The following CCDC33 variants were observed in gnomAD, a reference collection of about 807,000 sequenced individuals.
CCDC33 encodes the protein coiled-coil domain-containing protein 33.
CCDC33 carries 94 observed loss-of-function variants against 91.9 expected under a neutral mutation model. The observed-to-expected ratio is 1.02, with a 90% confidence interval of 0.87 to 1.21. CCDC33 has a LOEUF of 1.21. CCDC33 is among the 50% of genes most tolerant of loss of function. The pLI, the probability that CCDC33 is intolerant of heterozygous loss-of-function variation, is 0.00. For synonymous variants in CCDC33, 396 were observed against 374.5 expected (o/e 1.06, Z -0.66); for missense variants, 940 against 935.5 (o/e 1.00, Z -0.06).
At chr15:74,298,026 CAAG>C (rs1050441371) in intron 11 of CCDC33, among the ~76,000 whole-genome samples, 3 of 152,212 alleles carry the variant, frequency 2.0e-5, no homozygotes, top group Non-Finnish European at 4.4e-5. Context: ...ATAGCACAAC[CAAG>C]GAGGGGGAAG....
intron 15 of CCDC33, 100 bp downstream of exon 15, chr15:74,331,396 A>C (rs776156755): frequency 3.3e-6 from 4 of 1,200,760 alleles, no homozygotes; most frequent in Non-Finnish European, 4.8e-6. Flanking sequence ...ACCTGCGAAG[A>C]GGTCCCCTGC....
At chr15:74,267,484 G>GGCA (rs2076197698) in intron 4 of CCDC33, among the ~76,000 whole-genome samples, 2 of 151,400 alleles carry the variant, frequency 1.3e-5, no homozygotes, top group African/African-American at 4.9e-5. Context: ...ACCCCTGCCT[G>GGCA]TCCTCCCTCC....
chr15:74,333,811 A>G (rs1188054285), intron 16 of CCDC33, 70 bp from the exon 17 acceptor site: 2 of 1,306,702 alleles, frequency 1.5e-6, no homozygotes, highest in East Asian at 2.3e-5. Flanking sequence ...TCAATACCTT[A>G]TGGTTTCCCA....
intron 2 of CCDC33, among the ~76,000 whole-genome samples, chr15:74,250,066 C>T (rs960758644): frequency 5.9e-5 from 9 of 152,210 alleles, no homozygotes; most frequent in Non-Finnish European, 1.2e-4. Context: ...TGTCAGGAAT[C>T]ACATTCTTCC....
chr15:74,323,935 C>CA (rs1038594875), intron 11 of CCDC33, among the ~76,000 whole-genome samples: 14 of 150,604 alleles, frequency 9.3e-5, no homozygotes, highest in Non-Finnish European at 1.5e-4. Flanking sequence ...ACTAAAAATA[C>CA]AAAAAAAATT....
At chr15:74,281,649 C>A in intron 9 of CCDC33, 129 bp from the exon 10 acceptor site, 1 of 803,250 alleles carries the variant, frequency 1.2e-6, no homozygotes, top group Non-Finnish European at 2.1e-6. Flanking sequence ...GGCCAGCTCC[C>A]ACCTCCCTCC....
At chr15:74,329,931 C>G (rs2060390917) in intron 11 of CCDC33, among the ~76,000 whole-genome samples, 1 of 152,188 alleles carries the variant, frequency 6.6e-6, no homozygotes, top group Non-Finnish European at 1.5e-5. Context: ...CTGGGGTTTC[C>G]CCCTGAGTTG....
intron 2 of CCDC33, among the ~76,000 whole-genome samples, chr15:74,227,389 T>TG (rs1158330357): frequency 1.3e-5 from 2 of 152,264 alleles, no homozygotes; most frequent in Non-Finnish European, 2.9e-5. Context: ...CTGGGCTTTC[T>TG]GGGCACGTGA....
chr15:74,277,249 G>A lies in CCDC33; in HGVS notation c.760-2714G>A, dbSNP rs1054478926. On this transcript the variant is annotated intron_variant, in intron 7 of 18. Coordinates refer to ENST00000398814, the MANE Select transcript of CCDC33 (RefSeq NM_025055.5). ...AGGGACTTGAAGGCCACACAGCAAG[G>A]TTGAGGCAGACCCAGACCCAGAGCC... Among the ~76,000 whole-genome samples, 14 of 152,334 alleles carry A rather than the reference G, an allele frequency of 9.2e-5. No homozygotes were observed. In the East Asian group the frequency reaches 2.7e-3, roughly 29 times the overall value.
chr15:74,264,522 A>G (rs2076116300), intron 3 of CCDC33, among the ~76,000 whole-genome samples: 1 of 152,012 alleles, frequency 6.6e-6, no homozygotes, highest in Non-Finnish European at 1.5e-5. Context: ...AATGTACGGC[A>G]CTCACCTCTC....
At chr15:74,230,969 G>A (rs896546879) in intron 2 of CCDC33, among the ~76,000 whole-genome samples, 3 of 152,136 alleles carry the variant, frequency 2.0e-5, no homozygotes, top group Admixed American at 2.0e-4. Flanking sequence ...TGCCTATTTG[G>A]TGGTGACCAG....
At chr15:74,257,737 C>T (rs2075911780) in intron 2 of CCDC33, among the ~76,000 whole-genome samples, 1 of 152,258 alleles carries the variant, frequency 6.6e-6, no homozygotes. Context: ...CTGCCTTCTC[C>T]AGGTTTAGGG....
chr15:74,246,679 G>A (rs879377067), intron 2 of CCDC33, among the ~76,000 whole-genome samples: 10 of 152,202 alleles, frequency 6.6e-5, no homozygotes, highest in Non-Finnish European at 1.2e-4. Flanking sequence ...GTGTTGGTGC[G>A]GGTGTGGAGA....
chr15:74,283,838 CTCAA>C (rs2059421400), intron 10 of CCDC33, among the ~76,000 whole-genome samples: 1 of 142,432 alleles, frequency 7.0e-6, no homozygotes, highest in Admixed American at 7.0e-5. Context: ...CATATACACT[CTCAA>C]TCACGTGTGA....
chr15:74,307,034 G>T (rs1406905260), intron 11 of CCDC33, among the ~76,000 whole-genome samples: 1 of 152,146 alleles, frequency 6.6e-6, no homozygotes, highest in Non-Finnish European at 1.5e-5. Context: ...TCCTGGCGCT[G>T]CTCCTTAGTG....
At chr15:74,304,238 A>T (rs1293856264) in intron 11 of CCDC33, 1 of 152,224 alleles carries the variant, frequency 6.6e-6, no homozygotes, top group Non-Finnish European at 1.5e-5. Flanking sequence ...ATGAGGGGCA[A>T]TGTGTTGGAA....
chr15:74,223,529 C>T (rs1422184321), intron 2 of CCDC33, among the ~76,000 whole-genome samples: 1 of 152,194 alleles, frequency 6.6e-6, no homozygotes, highest in African/African-American at 2.4e-5. Context: ...TACCCTGGAG[C>T]GGATTGAATA....
At chr15:74,264,199 G>A (rs1437569684) in intron 3 of CCDC33, among the ~76,000 whole-genome samples, 1 of 152,002 alleles carries the variant, frequency 6.6e-6, no homozygotes, top group African/African-American at 2.4e-5. Flanking sequence ...TGTCTGCGGT[G>A]GGGGTGGGGG....
At chr15:74,318,217 G>A (rs73434439) in intron 11 of CCDC33, among the ~76,000 whole-genome samples, 1,639 of 152,012 alleles carry the variant, frequency 0.011, 37 homozygotes, top group African/African-American at 0.037. Flanking sequence ...GGGTATGGGG[G>A]TAACCAGGAG....
Sources: gnomAD v4.1 joint callset for allele counts (sites outside exome capture counted in the v4.1 genomes callset) on GRCh38, gnomAD v4.1.1 for gene constraint, MANE v1.5 for transcripts, NCBI Gene and HGNC (gene_info 2026-07-23, HGNC 2026-07-21) for gene names.